Variants in MTRES1 observed in about 807,000 individuals in gnomAD.
MTRES1 encodes the protein mitochondrial transcription rescue factor 1.
Under a neutral mutation model 17.4 loss-of-function variants are expected in MTRES1, and 11 were observed. The observed-to-expected ratio is 0.63, with a 90% confidence interval of 0.40 to 1.05. MTRES1 has a LOEUF of 1.05. Ranked by LOEUF, MTRES1 falls within the 50% of genes least tolerant of loss-of-function variation. The probability of loss-of-function intolerance (pLI) is 0.00; values close to 1 mark genes in which losing one functional copy is unlikely to be tolerated. For synonymous variants in MTRES1, 94 were observed against 99.6 expected (o/e 0.94, Z 0.34); for missense variants, 268 against 276.2 (o/e 0.97, Z 0.21).
At chr6:107,041,138 T>G (rs1774196915) in intron 2 of MTRES1, among the ~76,000 whole-genome samples, 1 of 148,318 alleles carries the variant, frequency 6.7e-6, no homozygotes, top group South Asian at 2.1e-4. Flanking sequence ...GGCAGGAGAA[T>G]GGTGGGAACC....
At chr6:107,037,790 C>T (rs1774060784) in intron 1 of MTRES1, among the ~76,000 whole-genome samples, 1 of 152,164 alleles carries the variant, frequency 6.6e-6, no homozygotes, top group Admixed American at 6.5e-5. Flanking sequence ...GCAATCTCAG[C>T]TCACTGCAAC....
At chr6:107,046,441 G>A (rs1052952759) in intron 3 of MTRES1, among the ~76,000 whole-genome samples, 6 of 151,776 alleles carry the variant, frequency 4.0e-5, no homozygotes, top group African/African-American at 1.5e-4. Flanking sequence ...TTCTTGTGAG[G>A]GTCAGCAAAG....
chr6:107,047,299 T>A (rs1403856108), intron 3 of MTRES1, among the ~76,000 whole-genome samples: 8 of 151,972 alleles, frequency 5.3e-5, no homozygotes, highest in Admixed American at 4.6e-4. Context: ...CACAGCTCAT[T>A]GCAACCTTGA....
Position 107,045,264 on chromosome 6 carries a change from G to A in MTRES1, c.543+932G>A, listed in dbSNP as rs1375611594. Among the ~76,000 whole-genome samples, 5 of 151,936 alleles carry A rather than the reference G, an allele frequency of 3.3e-5. No homozygotes were observed. The East Asian group carries it at 5.8e-4, about 18-fold the overall frequency. ...TGGGAGGCCGAGTCAGGTGGATCAC[G>A]AGGTCAGGAGATCGAGACCATCCTG... On this transcript the variant is annotated intron_variant, in intron 3 of 3. Transcript: ENST00000311381.
At position 107,033,705 on chromosome 6, in the gene MTRES1, C is replaced by G. The variant is rs575488021; in HGVS notation, c.-13+5434C>G. 3.9e-5 allele frequency among the ~76,000 whole-genome samples: 6 copies of G among 152,188 alleles called. No individual in the cohort carries two copies. The South Asian group carries it at 8.3e-4, about 21-fold the overall frequency. On this transcript the variant is annotated intron_variant, in intron 1 of 3. Transcript: ENST00000311381. ...TGGTGGCGGGTGCCTGTACTCCCAG[C>G]TACTTGGGAGGCTGAGGCAGGAGAA...
intron 3 of MTRES1, among the ~76,000 whole-genome samples, chr6:107,049,046 C>T (rs751706697): frequency 2.2e-4 from 33 of 152,012 alleles, no homozygotes; most frequent in African/African-American, 6.0e-4. Flanking sequence ...CAAGCAGGTG[C>T]GCATGCCCAT....
chr6:107,044,121 C>CA (rs1183920591), intron 2 of MTRES1, 139 bp from the exon 3 acceptor site: 9 of 609,772 alleles, frequency 1.5e-5, no homozygotes, highest in Non-Finnish European at 2.8e-6. Context: ...GACTTTGTCT[C>CA]AAAAAACAAA....
chr6:107,030,149 C>G, intron 1 of MTRES1: 1 of 718,516 alleles, frequency 1.4e-6, no homozygotes, highest in Non-Finnish European at 2.6e-6. Context: ...GTTGCTGAAG[C>G]TGAATTTGCA....
chr6:107,040,326 A>T lies in MTRES1; in HGVS notation c.470+96A>T, dbSNP rs1774160060. 25 of 1,127,854 alleles carry T rather than the reference A, an allele frequency of 2.2e-5. No homozygotes were observed. In the South Asian group the frequency reaches 4.6e-4, roughly 21 times the overall value. The allele number at this position is 1,127,854 out of a possible 1,614,324, so 69.9% of individuals were successfully genotyped here. A position where few individuals can be genotyped will look rare whatever the true frequency, so the allele number is the denominator to read the frequency against. ...CTTGGCCCATATTATGGTGAAGAAT[A>T]ACCACAATAAAAGGACCTTTGTAGG... On this transcript the variant is annotated intron_variant, in intron 2 of 3. Coordinates refer to ENST00000311381, the MANE Select transcript of MTRES1 (RefSeq NM_016487.5).
At chr6:107,042,040 T>C (rs1326898865) in intron 2 of MTRES1, among the ~76,000 whole-genome samples, 1 of 151,942 alleles carries the variant, frequency 6.6e-6, no homozygotes, top group Non-Finnish European at 1.5e-5. Flanking sequence ...TCCCTGAAGC[T>C]TAAGAGATTC....
chr6:107,049,325 G>T (rs1171368984), intron 3 of MTRES1, among the ~76,000 whole-genome samples: 1 of 152,062 alleles, frequency 6.6e-6, no homozygotes, highest in Non-Finnish European at 1.5e-5. Flanking sequence ...CAGTGGTGAG[G>T]GGTATGAGAT....
chr6:107,041,934 A>G (rs1774231500), intron 2 of MTRES1, among the ~76,000 whole-genome samples: 1 of 152,218 alleles, frequency 6.6e-6, no homozygotes, highest in Admixed American at 6.5e-5. Flanking sequence ...CATATTGTAT[A>G]CAATGTAAGA....
chr6:107,037,965 C>T (rs1774067367), intron 1 of MTRES1, among the ~76,000 whole-genome samples: 1 of 152,126 alleles, frequency 6.6e-6, no homozygotes, highest in South Asian at 2.1e-4. Context: ...GAGATCCACC[C>T]GCCTCAGCCT....
At chr6:107,028,878 A>C (rs1554226008) in intron 1 of MTRES1, 1 of 985,156 alleles carries the variant, frequency 1.0e-6, no homozygotes, top group Non-Finnish European at 1.2e-6. Context: ...CTCTCCACTC[A>C]TCCCACACCA....
chr6:107,046,081 C>T (rs1424373731), intron 3 of MTRES1, among the ~76,000 whole-genome samples: 1 of 152,218 alleles, frequency 6.6e-6, no homozygotes, highest in African/African-American at 2.4e-5. Context: ...CCTGGTGATG[C>T]CCCTGACTTG....
chr6:107,041,474 A>G (rs1168860939), intron 2 of MTRES1, among the ~76,000 whole-genome samples: 1 of 152,200 alleles, frequency 6.6e-6, no homozygotes, highest in African/African-American at 2.4e-5. Context: ...TTTTGAAGAA[A>G]ATACTACATA....
intron 1 of MTRES1, among the ~76,000 whole-genome samples, chr6:107,037,248 T>G (rs1219859428): frequency 1.3e-5 from 2 of 152,214 alleles, no homozygotes; most frequent in African/African-American, 4.8e-5. Flanking sequence ...TTTTGTATTT[T>G]GAGTAGAGAT....
At chr6:107,034,370 A>G (rs1773937652) in intron 1 of MTRES1, among the ~76,000 whole-genome samples, 1 of 152,118 alleles carries the variant, frequency 6.6e-6, no homozygotes, top group South Asian at 2.1e-4. Flanking sequence ...GATATTTTCT[A>G]AGTTGGGGCA....
At position 107,039,932 on chromosome 6, in the gene MTRES1, C is replaced by T. The variant is rs915061159; in HGVS notation, c.172C>T (p.Leu58Phe). 17 of 1,612,724 alleles carry T rather than the reference C, an allele frequency of 1.1e-5. No homozygotes were observed. The highest frequency in any genetic ancestry group is 1.4e-5 in the Non-Finnish European group (17 of 1,178,790). ...TKLRAPNYKT[L>F]FYNIFSLRLP... is the part of the protein sequence containing the mutation. ...GTTACGTGCACCAAATTATAAAACA[C>T]TTTTTTATAATATTTTCTCACTGAG... The change falls in exon 2 of 4, where the codon CTT becomes TTT. Residue 58 changes from leucine (L) to phenylalanine (F), a missense_variant. By Grantham distance (22) the Leu-to-Phe change is conservative. Coordinates refer to ENST00000311381, the MANE Select transcript of MTRES1 (RefSeq NM_016487.5).
Sources: allele counts gnomAD v4.1 joint callset (sites outside exome capture counted in the v4.1 genomes callset), GRCh38; gene constraint gnomAD v4.1.1; transcripts MANE v1.5; gene names NCBI Gene and HGNC (gene_info 2026-07-23, HGNC 2026-07-21).